FGFR1: variants seen among roughly 807,000 people sequenced by gnomAD.
The protein encoded by FGFR1 is fibroblast growth factor receptor 1.
FGFR1 carries 18 observed loss-of-function variants against 93.7 expected under a neutral mutation model. That is an observed-to-expected ratio of 0.19 (90% CI 0.13 to 0.28). The LOEUF (loss-of-function observed/expected upper bound fraction) is 0.28, where lower values mean the gene tolerates loss of function less well. Ranked by LOEUF, FGFR1 falls within the 10% of genes least tolerant of loss-of-function variation. The pLI, the probability that FGFR1 is intolerant of heterozygous loss-of-function variation, is 1.00. For missense variants in FGFR1, 731 were observed against 1,080.4 expected, an observed-to-expected ratio of 0.68 and a Z score of 4.53; for synonymous variants, 448 against 429.3, an observed-to-expected ratio of 1.04 and a Z score of -0.54.
chr8:38,435,888 G>A (rs985472608), intron 2 of FGFR1, among the ~76,000 whole-genome samples: 1 of 152,230 alleles, frequency 6.6e-6, no homozygotes, highest in African/African-American at 2.4e-5. Context: ...TACAAAGGTT[G>A]TCCTCAAAAT....
intron 2 of FGFR1, among the ~76,000 whole-genome samples, chr8:38,436,276 A>C (rs1010841680): frequency 6.6e-6 from 1 of 152,118 alleles, no homozygotes; most frequent in Non-Finnish European, 1.5e-5. Flanking sequence ...CTTGGGAGGC[A>C]GAGGAGGGAG....
intron 2 of FGFR1, among the ~76,000 whole-genome samples, chr8:38,450,084 T>A (rs1830563451): frequency 6.6e-6 from 1 of 152,206 alleles, no homozygotes; most frequent in Non-Finnish European, 1.5e-5. Flanking sequence ...AGCAGGCTTC[T>A]CCTAGGAGGA....
At position 38,426,972 on chromosome 8, in the gene FGFR1, GA is replaced by G. The variant is rs1563499022; in HGVS notation, c.622-728del. Among the ~76,000 whole-genome samples, 1 of 151,988 alleles carries G rather than the reference GA, an allele frequency of 6.6e-6. No homozygotes were observed. The highest frequency in any genetic ancestry group is 1.5e-5 in the Non-Finnish European group (1 of 68,000). On this transcript the variant is annotated intron_variant, in intron 5 of 17. Coordinates refer to ENST00000447712, the MANE Select transcript of FGFR1 (RefSeq NM_023110.3). The surrounding 1 kb of genome is among the most constrained non-coding windows in gnomAD (Gnocchi z 4.1). ...TACTAAAAATACAAAAATTAGCTGG[GA>G]ATGGTGGCTGCACATCCCAGGTACT...
chr8:38,456,968 C>G (rs1833008835), intron 2 of FGFR1, among the ~76,000 whole-genome samples: 2 of 152,294 alleles, frequency 1.3e-5, no homozygotes, highest in South Asian at 4.1e-4. Context: ...GTTCTACACG[C>G]AAATTCTAAG....
intron 2 of FGFR1, chr8:38,434,752 G>T: frequency 6.4e-6 from 1 of 157,218 alleles, no homozygotes; most frequent in Non-Finnish European, 1.4e-5. Flanking sequence ...TTGGTGCAGT[G>T]CGGCTTCCTG....
intron 12 of FGFR1, among the ~76,000 whole-genome samples, chr8:38,416,563 C>G (rs1261002056): frequency 7.1e-6 from 1 of 141,562 alleles, no homozygotes; most frequent in East Asian, 2.1e-4. Flanking sequence ...TCAAACGATT[C>G]TCCTGCCACA....
At chr8:38,444,385 G>C (rs921715127) in intron 2 of FGFR1, among the ~76,000 whole-genome samples, 4 of 138,102 alleles carry the variant, frequency 2.9e-5, no homozygotes, top group Non-Finnish European at 4.8e-5. Flanking sequence ...AACATGGTTC[G>C]GGTTTTTTTT....
intron 8 of FGFR1, among the ~76,000 whole-genome samples, chr8:38,421,461 G>A (rs144852314): frequency 1.3e-5 from 2 of 152,160 alleles, no homozygotes; most frequent in East Asian, 1.9e-4. Flanking sequence ...CCCAGCGGAG[G>A]GGGGAGGCTG....
chr8:38,413,774 G>C lies in FGFR1; in HGVS notation c.2323C>G (p.Gln775Glu), dbSNP rs1232665126. The change falls in exon 18 of 18, where the codon CAG (glutamine) becomes GAG (glutamate). Residue 775 changes from glutamine (Q) to glutamate (E), a missense_variant. This residue lies in a region of FGFR1 where 79 missense variants were observed against 97.2 expected (regional missense o/e 0.81). Transcript: ENST00000447712. The surrounding 1 kb of genome is among the most constrained non-coding windows in gnomAD (Gnocchi z 4.2). ...GTGTCGGGAAAGCTGGGGGAGTACT[G>C]GTCCAGGGGCATGGACAGGTCCAGG... ...EYLDLSMPLD[Q>E]YSPSFPDTRS... 4.3e-6 allele frequency: 7 copies of C among 1,614,112 alleles called. No individual in the cohort carries two copies. The highest frequency in any genetic ancestry group is 5.9e-6 in the Non-Finnish European group (7 of 1,179,998).
intron 2 of FGFR1, among the ~76,000 whole-genome samples, chr8:38,453,262 G>C (rs977027226): frequency 1.8e-4 from 28 of 152,302 alleles, no homozygotes; most frequent in African/African-American, 6.5e-4. Flanking sequence ...CCGTTGCTGT[G>C]TCCCATGAAA....
chr8:38,445,984 T>C (rs1428569650), intron 2 of FGFR1, among the ~76,000 whole-genome samples: 1 of 152,100 alleles, frequency 6.6e-6, no homozygotes, highest in Non-Finnish European at 1.5e-5. Flanking sequence ...AAGTAAACTC[T>C]GGAGTTTGAC....
chr8:38,452,192 G>GAC (rs1167901036), intron 2 of FGFR1, among the ~76,000 whole-genome samples: 1 of 91,482 alleles, frequency 1.1e-5, no homozygotes. Context: ...CAGACACACA[G>GAC]ACACACAGAC....
intron 12 of FGFR1, among the ~76,000 whole-genome samples, chr8:38,416,288 TTGTC>T (rs899855415): frequency 6.6e-6 from 1 of 152,082 alleles, no homozygotes; most frequent in African/African-American, 2.4e-5. Context: ...GAGCCCCAGT[TTGTC>T]TGTTTATTTT....
chr8:38,428,250 A>C, intron 4 of FGFR1, 96 bp downstream of exon 4: 1 of 1,470,166 alleles, frequency 6.8e-7, no homozygotes, highest in East Asian at 2.3e-5. Flanking sequence ...CCGTGACCCC[A>C]TGTGCCCTCC....
Position 38,417,430 on chromosome 8 carries a change from G to A in FGFR1, c.1553-14C>T, listed in dbSNP as rs772454262. ...CTGTTGCGTCCGCTTTAAAGAACAC[G>A]TTGAGACTCATTTACTTGGGAAGGG... On this transcript the variant is annotated splice_polypyrimidine_tract_variant and intron_variant, in intron 11 of 17. Coordinates refer to ENST00000447712, the MANE Select transcript of FGFR1 (RefSeq NM_023110.3). 23 of 1,606,354 alleles carry A rather than the reference G, an allele frequency of 1.4e-5. No homozygotes were observed. Among genetic ancestry groups the A allele is most frequent in the East Asian group, 6.7e-5 (3 of 44,846 alleles).
At chr8:38,453,579 T>C (rs1831803189) in intron 2 of FGFR1, among the ~76,000 whole-genome samples, 1 of 152,152 alleles carries the variant, frequency 6.6e-6, no homozygotes, top group African/African-American at 2.4e-5. Context: ...AGCAGTCTTA[T>C]TACAATAGCC....
At chr8:38,437,364 C>T (rs1246516744) in intron 2 of FGFR1, among the ~76,000 whole-genome samples, 2 of 152,218 alleles carry the variant, frequency 1.3e-5, no homozygotes, top group Non-Finnish European at 2.9e-5. Flanking sequence ...AGGCATATGT[C>T]TTGCCCTAAC....
chr8:38,414,700 G>A (rs1815713514), intron 14 of FGFR1, 71 bp from the exon 15 acceptor site: 1 of 1,613,364 alleles, frequency 6.2e-7, no homozygotes, highest in South Asian at 1.1e-5. Context: ...GAAGGGACTG[G>A]GGGGTGGGTT....
chr8:38,450,639 C>G (rs1008566264), intron 2 of FGFR1, among the ~76,000 whole-genome samples: 131 of 152,260 alleles, frequency 8.6e-4, no homozygotes, highest in African/African-American at 3.1e-3. Flanking sequence ...CCTGCTGACC[C>G]GACTCCAGGT....
Sources: gnomAD v4.1 joint callset for allele counts (sites outside exome capture counted in the v4.1 genomes callset) on GRCh38, gnomAD v4.1.1 for gene constraint, gnomAD v4.1.1 regional missense constraint, Gnocchi (gnomAD v3.1) non-coding constraint, MANE v1.5 for transcripts, NCBI Gene and HGNC (gene_info 2026-07-23, HGNC 2026-07-21) for gene names.